The following RGS3 variants were observed in gnomAD, a reference collection of about 807,000 sequenced individuals.
RGS3 encodes the protein regulator of G protein signaling 3.
RGS3 carries 80 observed loss-of-function variants against 132.6 expected under a neutral mutation model. The observed-to-expected ratio is 0.60, with a 90% CI of 0.50 to 0.73. The LOEUF is 0.73. Ranked by LOEUF, RGS3 falls within the 30% of genes least tolerant of loss-of-function variation. The probability of loss-of-function intolerance (pLI) is 0.00; values close to 1 mark genes in which losing one functional copy is unlikely to be tolerated. For missense variants in RGS3, 1,382 were observed against 1,530.8 expected (o/e 0.90, Z 1.62); for synonymous variants, 598 against 620.6 (o/e 0.96, Z 0.54).
At chr9:113,541,690 G>A in intron 19 of RGS3, 1 of 1,081,030 alleles carries the variant, frequency 9.3e-7, no homozygotes, top group Non-Finnish European at 1.1e-6. Flanking sequence ...CTTCCAAGGA[G>A]GAGGAGGAGG....
At position 113,595,627 on chromosome 9, in the gene RGS3, T is replaced by C. The variant is rs369058769; in HGVS notation, c.3273T>C (p.Leu1091=). 3.1e-6 allele frequency: 5 copies of C among 1,614,060 alleles called. No homozygotes were observed. The African/African-American group carries it at 6.7e-5, about 22-fold the overall frequency. ...GGTTAGCAGTGTTCCAAGCCTTCCT[T>C]CGCACTGAGTTCAGTGAGGAGAATC... Residue 1091 remains leucine (L), a synonymous_variant, in exon 24 of 25, where the codon CTT becomes CTC. Coordinates refer to ENST00000350696, the Ensembl canonical transcript of RGS3.
At chr9:113,503,080 G>A (rs7857217) in intron 10 of RGS3, among the ~76,000 whole-genome samples, 28,231 of 152,126 alleles carry the variant, frequency 0.19, 2,734 homozygotes, top group African/African-American at 0.22. Context: ...GGAGAGCAGA[G>A]GTAAGGGGCT....
At chr9:113,526,262 T>C (rs1832202746) in intron 17 of RGS3, among the ~76,000 whole-genome samples, 1 of 152,214 alleles carries the variant, frequency 6.6e-6, no homozygotes, top group Admixed American at 6.5e-5. Context: ...GTTGCTTTGG[T>C]CTCAGCTGCT....
intron 3 of RGS3, among the ~76,000 whole-genome samples, chr9:113,476,004 C>T (rs1239810142): frequency 2.7e-5 from 4 of 150,794 alleles, no homozygotes; most frequent in Non-Finnish European, 5.9e-5. Context: ...GTGGTGTGAT[C>T]ATGGTTCACT....
At chr9:113,588,051 G>T (rs897095304) in intron 20 of RGS3, among the ~76,000 whole-genome samples, 1 of 152,182 alleles carries the variant, frequency 6.6e-6, no homozygotes, top group African/African-American at 2.4e-5. Flanking sequence ...ATCTGGCTCA[G>T]CACAGAGGGT....
Position 113,583,804 on chromosome 9 carries a change from A to G in RGS3, c.2392A>G (p.Lys798Glu), listed in dbSNP as rs1211616721. 2 of 1,613,884 alleles carry G rather than the reference A, an allele frequency of 1.2e-6. No homozygotes were observed. Among genetic ancestry groups the G allele is most frequent in the African/African-American group, 2.7e-5 (2 of 74,878 alleles). Residue 798 changes from lysine to glutamate, a missense_variant, in exon 20 of 25, where the codon AAA becomes GAA. Lys to Glu is a moderately conservative substitution (Grantham distance 56). Coordinates refer to ENST00000350696, the Ensembl canonical transcript of RGS3. ...GCCTCACCAGGACCCTCTACTCACCAAAGACCTCCCTGCCATCCAGGAATC... is the reference window on the plus strand; with the variant it reads ...GCCTCACCAGGACCCTCTACTCACCGAAGACCTCCCTGCCATCCAGGAATC...
intron 16 of RGS3, among the ~76,000 whole-genome samples, chr9:113,520,799 C>T (rs1465043184): frequency 6.6e-6 from 1 of 151,918 alleles, no homozygotes; most frequent in Non-Finnish European, 1.5e-5. Flanking sequence ...TCATTTTCTT[C>T]ACCTCATCTC....
intron 6 of RGS3, 94 bp downstream of exon 4, chr9:113,484,326 GCA>G (rs1830258818): frequency 7.1e-5 from 7 of 98,612 alleles, no homozygotes; most frequent in Admixed American, 2.1e-4. Context: ...CTAGATCTAT[GCA>G]AAAAAAAAAA....
At chr9:113,510,162 C>G (rs930858048) in intron 14 of RGS3, among the ~76,000 whole-genome samples, 1 of 152,074 alleles carries the variant, frequency 6.6e-6, no homozygotes, top group Non-Finnish European at 1.5e-5. Flanking sequence ...AGCTTAGCTC[C>G]CATGTATCGT....
At chr9:113,560,068 A>G (rs1833728008) in intron 19 of RGS3, among the ~76,000 whole-genome samples, 1 of 152,224 alleles carries the variant, frequency 6.6e-6, no homozygotes, top group African/African-American at 2.4e-5. Context: ...GGACTTGCCC[A>G]GGATAATTTA....
At chr9:113,508,398 G>A in intron 13 of RGS3, 143 bp from the exon 12 acceptor site, 1 of 760,770 alleles carries the variant, frequency 1.3e-6, no homozygotes, top group Non-Finnish European at 2.2e-6. Flanking sequence ...TCCTCCCTCA[G>A]CTGGTTACCA....
intron 16 of RGS3, among the ~76,000 whole-genome samples, chr9:113,519,679 GT>G (rs201771539): frequency 0.12 from 17,788 of 147,330 alleles, 1,214 homozygotes; most frequent in African/African-American, 0.19. Flanking sequence ...TAGAGCAGTG[GT>G]TTTTTTTTTT....
chr9:113,498,909 T>G (rs2119285246), intron 10 of RGS3, among the ~76,000 whole-genome samples: 1 of 121,916 alleles, frequency 8.2e-6, no homozygotes, highest in South Asian at 2.7e-4. Flanking sequence ...AGAGCAAGAC[T>G]CTGTCTCAAT....
intron 4 of RGS3, 99 bp downstream of exon 2, chr9:113,479,640 C>T (rs575250662): frequency 3.8e-6 from 4 of 1,043,156 alleles, no homozygotes; most frequent in Admixed American, 1.8e-5. Context: ...TGGGCCAAGG[C>T]TTCTTTTCTC....
chr9:113,510,987 C>T (rs756647486), intron 14 of RGS3, among the ~76,000 whole-genome samples: 2 of 152,212 alleles, frequency 1.3e-5, no homozygotes, highest in Admixed American at 6.5e-5. Flanking sequence ...AGTCCCCCTC[C>T]TCTGGCTGGG....
chr9:113,477,537 C>T (rs1287820565), intron 3 of RGS3, among the ~76,000 whole-genome samples: 2 of 152,136 alleles, frequency 1.3e-5, no homozygotes, highest in African/African-American at 2.4e-5. Flanking sequence ...AGCAAAGCCC[C>T]AGCTGCCAGC....
At chr9:113,485,340 CT>C (rs1373448497) in intron 6 of RGS3, among the ~76,000 whole-genome samples, 2 of 152,184 alleles carry the variant, frequency 1.3e-5, no homozygotes, top group Non-Finnish European at 1.5e-5. Context: ...CCGCCCACCT[CT>C]GTCTCCCAAA....
Position 113,513,874 on chromosome 9 carries a change from G to A in RGS3, c.1478-584G>A, listed in dbSNP as rs924294622. 3.7e-4 allele frequency among the ~76,000 whole-genome samples: 57 copies of A among 152,328 alleles called. 1 individual carries two copies. The highest frequency in any genetic ancestry group is 1.1e-3 in the African/African-American group (46 of 41,572). On this transcript the variant is annotated intron_variant, in intron 14 of 24. Coordinates refer to ENST00000350696, the Ensembl canonical transcript of RGS3. The stretch of plus-strand genomic sequence containing the variant: ...CCAGTACATCCTGGGAAAGCCTTTG[G>A]TCTCCGCTGCCACTGCTGCAGAGAG...
rs1588132571 is a variant in RGS3 at position 113,463,722 on chromosome 9, G to C, written c.415+1521G>C. 7 of 1,496,686 alleles carry C rather than the reference G, an allele frequency of 4.7e-6. No homozygotes were observed. The highest frequency in any genetic ancestry group is 6.2e-6 in the Non-Finnish European group (7 of 1,123,382). 92.7% of individuals were successfully genotyped at this position (1,496,686 alleles called of 1,614,324 possible). On this transcript the variant is annotated intron_variant, in intron 3 of 24. Coordinates refer to ENST00000350696, the Ensembl canonical transcript of RGS3. The surrounding 1 kb of genome is among the most constrained non-coding windows in gnomAD (Gnocchi z 4.6). The stretch of plus-strand genomic sequence containing the variant: ...CCTACCTCCCGCTCGCGCTCCTCCC[G>C]CCCTGGAGACTCCGGTTACTGGGGA...
Sources: gnomAD v4.1 joint callset for allele counts (sites outside exome capture counted in the v4.1 genomes callset) on GRCh38, gnomAD v4.1.1 for gene constraint, Gnocchi (gnomAD v3.1) non-coding constraint, MANE v1.5 for transcripts, NCBI Gene and HGNC (gene_info 2026-07-23, HGNC 2026-07-21) for gene names.